Variants in CSNK1D observed in about 807,000 individuals in gnomAD.
The protein encoded by CSNK1D is casein kinase I isoform delta.
A neutral mutation model predicts 46.6 loss-of-function variants in CSNK1D; 16 were observed. The ratio of observed to expected loss-of-function variants is 0.34; its 90% CI spans 0.23 to 0.52. CSNK1D has a LOEUF of 0.52. CSNK1D is among the 20% of genes least tolerant of loss of function. The pLI is 0.95. For synonymous variants in CSNK1D, 276 were observed against 228.2 expected (o/e 1.21, Z -1.89); for missense variants, 398 against 578.4 (o/e 0.69, Z 3.20).
intron 1 of CSNK1D, among the ~76,000 whole-genome samples, chr17:82,270,487 A>G (rs1035654221): frequency 6.6e-6 from 1 of 152,250 alleles, no homozygotes; most frequent in African/African-American, 2.4e-5. Flanking sequence ...TACTCATACT[A>G]GAATATACAC....
chr17:82,248,894 G>C lies in CSNK1D; in HGVS notation c.1178C>G (p.Ser393Cys), dbSNP rs751442364. The C allele has an allele frequency of 1.9e-6, 3 of 1,610,716 alleles. No individual in the cohort carries two copies. The South Asian group carries it at 3.3e-5, about 18-fold the overall frequency. The stretch of plus-strand genomic sequence containing the variant: ...ACCTACCTGTGAGGTGGACATGCGA[G>C]AGGTATCTTGTCGGCCTGTGAGGTC... ...SSDLTGRQDT[S>C]RMSTSQIPGR... Residue 393 changes from serine to cysteine, a missense_variant, in exon 8 of 9, where the codon TCT (serine) becomes TGT (cysteine). Ser to Cys is a moderately radical substitution (Grantham distance 112). Coordinates refer to ENST00000314028, the MANE Select transcript of CSNK1D (RefSeq NM_001893.6). The surrounding 1 kb of genome is among the most constrained non-coding windows in gnomAD (Gnocchi z 4.1).
downstream of CSNK1D, chr17:82,239,704 A>G: frequency 2.8e-6 from 1 of 355,806 alleles, no homozygotes; most frequent in Non-Finnish European, 5.0e-6. Flanking sequence ...GGGAGCCCCT[A>G]CGTGGTGGTT....
At position 82,248,224 on chromosome 17, in the gene CSNK1D, T is replaced by G; in HGVS notation, c.1197+651A>C. 6.1e-6 allele frequency: 6 copies of G among 985,786 alleles called. No homozygotes were observed. Among genetic ancestry groups the G allele is most frequent in the Non-Finnish European group, 7.2e-6 (6 of 830,158 alleles). 61.1% of individuals were successfully genotyped at this position (985,786 alleles called of 1,614,324 possible). On this transcript the variant is annotated intron_variant, in intron 8 of 8. Transcript: ENST00000314028. The surrounding 1 kb of genome is among the most constrained non-coding windows in gnomAD (Gnocchi z 4.1). ...TATAATGGATCCATATGGAGAAAGCTGTTCTAGTTCAAAGAGCACGTTAGC... is the reference window on the plus strand; with the variant it reads ...TATAATGGATCCATATGGAGAAAGCGGTTCTAGTTCAAAGAGCACGTTAGC...
downstream of CSNK1D, chr17:82,239,210 C>A (rs535359588): frequency 3.2e-4 from 112 of 352,694 alleles, 1 homozygote; most frequent in East Asian, 4.4e-3. Context: ...GCATCCTCAC[C>A]AGGGGCCCCG....
chr17:82,252,361 C>G lies in CSNK1D; in HGVS notation c.736+73G>C, dbSNP rs2147172884. 1 of 1,551,768 alleles carries G rather than the reference C, an allele frequency of 6.4e-7. No individual in the cohort carries two copies. The highest frequency in any genetic ancestry group is 8.9e-7 in the Non-Finnish European group (1 of 1,124,602). ...CTCTTCTGACAAAACCCAGACTGAGCCGTCTCGGCACACCCGACACATATG... is the reference window on the plus strand; with the variant it reads ...CTCTTCTGACAAAACCCAGACTGAGGCGTCTCGGCACACCCGACACATATG... On this transcript the variant is annotated intron_variant, in intron 5 of 8. Transcript: ENST00000314028. The surrounding 1 kb of genome is among the most constrained non-coding windows in gnomAD (Gnocchi z 4.6).
At position 82,244,314 on chromosome 17, in the gene CSNK1D, T is replaced by G; in HGVS notation, c.*467A>C. 2 of 1,099,950 alleles carry G rather than the reference T, an allele frequency of 1.8e-6. No individual in the cohort carries two copies. Among genetic ancestry groups the G allele is most frequent in the Non-Finnish European group, 2.2e-6 (2 of 895,620 alleles). The allele number at this position is 1,099,950 out of a possible 1,614,324, so 68.1% of individuals were successfully genotyped here. ...TGTCTCAGAATTCCTTAGTCAACAT[T>G]TTTTTTGTAAGACTGCAAAAACAGA... On this transcript the variant is annotated 3_prime_UTR_variant, in exon 9 of 9. Transcript: ENST00000314028.
intron 8 of CSNK1D, chr17:82,245,033 A>G: frequency 1.5e-6 from 1 of 679,970 alleles, no homozygotes; most frequent in Non-Finnish European, 2.5e-6. Context: ...GAAGACGGGA[A>G]GGAGGAAGAG....
chr17:82,264,242 G>A (rs1421291924), intron 2 of CSNK1D, among the ~76,000 whole-genome samples: 9 of 152,176 alleles, frequency 5.9e-5, no homozygotes, highest in African/African-American at 1.2e-4. Flanking sequence ...AATGTGCCGC[G>A]GAGCCTTCTC....
chr17:82,249,835 G>C lies in CSNK1D; in HGVS notation c.886-233C>G. On this transcript the variant is annotated intron_variant, in intron 6 of 8. Transcript: ENST00000314028. The surrounding 1 kb of genome is among the most constrained non-coding windows in gnomAD (Gnocchi z 6.7). Reference sequence around the variant, plus strand: ...CCCAACAATCGAAAAAACCCCACTCGCCATGGCATCTCCCTGTGGGCTCAG... The same window carrying C: ...CCCAACAATCGAAAAAACCCCACTCCCCATGGCATCTCCCTGTGGGCTCAG... 1 of 1,429,964 alleles carries C rather than the reference G, an allele frequency of 7.0e-7. No individual in the cohort carries two copies. Among genetic ancestry groups the C allele is most frequent in the Non-Finnish European group, 9.1e-7 (1 of 1,096,456 alleles). 88.6% of individuals were successfully genotyped at this position (1,429,964 alleles called of 1,614,324 possible). A position where few individuals can be genotyped will look rare whatever the true frequency, so the allele number is the denominator to read the frequency against.
chr17:82,254,317 A>G (rs1599593828), intron 3 of CSNK1D: 1 of 291,300 alleles, frequency 3.4e-6, no homozygotes, highest in Non-Finnish European at 6.3e-6. Flanking sequence ...GAAGCCAGTC[A>G]GCTGAGCCGC....
At chr17:82,254,360 C>G in intron 3 of CSNK1D, 1 of 290,654 alleles carries the variant, frequency 3.4e-6, no homozygotes. Flanking sequence ...GCTGAGCCGC[C>G]GGGGCCTCGA....
rs781483761 is a variant in CSNK1D, at chr17:82,244,351, A to G, written c.*430T>C. On this transcript the variant is annotated 3_prime_UTR_variant, in exon 9 of 9. Transcript: ENST00000314028. ...ACTGCAAAAACAGACAAGAAACAATAAAAAGACAGATTTTCTTTACACAGA... is the reference window on the plus strand; with the variant it reads ...ACTGCAAAAACAGACAAGAAACAATGAAAAGACAGATTTTCTTTACACAGA... The G allele has an allele frequency of 1.7e-5, 19 of 1,108,688 alleles. No individual in the cohort carries two copies. The highest frequency in any genetic ancestry group is 2.1e-5 in the Non-Finnish European group (19 of 900,808). The allele number at this position is 1,108,688 out of a possible 1,614,324, so 68.7% of individuals were successfully genotyped here. A position where few individuals can be genotyped will look rare whatever the true frequency, so the allele number is the denominator to read the frequency against.
rs535231182 is a variant in CSNK1D at position 82,242,770 on chromosome 17, G to A, written c.*2011C>T. ...CTCGGAGACTGGCCGTCAGTGCACA[G>A]CTGACACGACGTCCTACCTACGTCT... On this transcript the variant is annotated 3_prime_UTR_variant, in exon 9 of 9. Transcript: ENST00000314028. 1,157 of 985,422 alleles carry A rather than the reference G, an allele frequency of 1.2e-3. 4 individuals are homozygous for A. Among genetic ancestry groups the A allele is most frequent in the South Asian group, 3.0e-3 (64 of 21,294 alleles). 61.0% of individuals were successfully genotyped at this position (985,422 alleles called of 1,614,324 possible). A position where few individuals can be genotyped will look rare whatever the true frequency, so the allele number is the denominator to read the frequency against.
chr17:82,245,212 G>T (rs953619455), intron 8 of CSNK1D: 1 of 402,024 alleles, frequency 2.5e-6, no homozygotes, highest in Non-Finnish European at 4.7e-6. Flanking sequence ...CATTTCCAGA[G>T]TGTGCACAGT....
intron 1 of CSNK1D, among the ~76,000 whole-genome samples, chr17:82,272,758 C>A (rs1386336251): frequency 1.3e-5 from 2 of 152,220 alleles, no homozygotes; most frequent in East Asian, 3.9e-4. Context: ...ACCGGGGCAG[C>A]CTCTGAGGGG....
At position 82,252,598 on chromosome 17, in the gene CSNK1D, G is replaced by A; in HGVS notation, c.572C>T (p.Ser191Phe). 6.2e-7 allele frequency: 1 copy of A among 1,613,718 alleles called. No individual in the cohort carries two copies. The highest frequency in any genetic ancestry group is 8.5e-7 in the Non-Finnish European group (1 of 1,179,986). The change falls in exon 5 of 9, where the codon TCC becomes TTC. Residue 191 changes from serine (S) to phenylalanine (F), a missense_variant. By Grantham distance (155) the Ser-to-Phe change is radical. Transcript: ENST00000314028. This position sits in a 1 kb window ranked among gnomAD's most constrained non-coding sequence, Gnocchi z 4.6. ...CAGAGACTCCAAGTCATCTCTTCGG[G>A]ATTGTTCTGAAAAGAAAAGGGAAAG... ...SINTHLGIEQ[S>F]RRDDLESLGY...
In CSNK1D at chr17:82,248,578, G is replaced by C. The variant is rs1168827800; in HGVS notation, c.1197+297C>G. 22 of 1,246,482 alleles carry C rather than the reference G, an allele frequency of 1.8e-5. No homozygotes were observed. The highest frequency in any genetic ancestry group is 2.1e-5 in the Non-Finnish European group (21 of 984,214). The allele number at this position is 1,246,482 out of a possible 1,614,324, so 77.2% of individuals were successfully genotyped here. On this transcript the variant is annotated intron_variant, in intron 8 of 8. Transcript: ENST00000314028. This position sits in a 1 kb window ranked among gnomAD's most constrained non-coding sequence, Gnocchi z 4.1. ...TGTCAGCTGCCTGGGGACGGCTGCGGGCAGCGGGGCACTCAAACAGCAGGA... is the reference window on the plus strand; with the variant it reads ...TGTCAGCTGCCTGGGGACGGCTGCGCGCAGCGGGGCACTCAAACAGCAGGA...
Position 82,251,316 on chromosome 17 carries a change from C to G in CSNK1D, c.885+63G>C. 1 of 1,599,684 alleles carries G rather than the reference C, an allele frequency of 6.3e-7. No individual in the cohort carries two copies. The highest frequency in any genetic ancestry group is 8.6e-7 in the Non-Finnish European group (1 of 1,167,632). On this transcript the variant is annotated intron_variant, in intron 6 of 8. Coordinates refer to ENST00000314028, the MANE Select transcript of CSNK1D (RefSeq NM_001893.6). This position sits in a 1 kb window ranked among gnomAD's most constrained non-coding sequence, Gnocchi z 4.5. ...GCCCCTCAACAAGACGGCCGCCGGC[C>G]TCTCACTGACAAGCCATCCCCCGCA...
chr17:82,252,691 T>C lies in CSNK1D; in HGVS notation c.566-87A>G, dbSNP rs1385834358. 6 of 1,364,766 alleles carry C rather than the reference T, an allele frequency of 4.4e-6. No individual in the cohort carries two copies. The Admixed American group carries it at 1.2e-4, about 27-fold the overall frequency. The allele number at this position is 1,364,766 out of a possible 1,614,324, so 84.5% of individuals were successfully genotyped here. A position where few individuals can be genotyped will look rare whatever the true frequency, so the allele number is the denominator to read the frequency against. ...CCCGGCTGGCCGTTCCAGTGGAGAC[T>C]AGCCTCAGACACACATGCCCAGATC... is the stretch of plus-strand genomic sequence containing the variant. On this transcript the variant is annotated intron_variant, in intron 4 of 8. Transcript: ENST00000314028. The surrounding 1 kb of genome is among the most constrained non-coding windows in gnomAD (Gnocchi z 4.6).
Sources: allele counts gnomAD v4.1 joint callset (sites outside exome capture counted in the v4.1 genomes callset), GRCh38; gene constraint gnomAD v4.1.1; non-coding constraint Gnocchi (gnomAD v3.1); transcripts MANE v1.5; gene names NCBI Gene and HGNC (gene_info 2026-07-23, HGNC 2026-07-21).